Variants in SLCO3A1 observed in about 807,000 individuals in gnomAD.
The protein encoded by SLCO3A1 is PGE1 transporter.
In SLCO3A1, 27 loss-of-function variants were observed where a neutral mutation model predicts 63.1. That is an observed-to-expected ratio of 0.43 (90% CI 0.32 to 0.59). SLCO3A1 has a LOEUF of 0.59. Ranked by LOEUF, SLCO3A1 falls within the 20% of genes least tolerant of loss-of-function variation. The pLI, the probability that SLCO3A1 is intolerant of heterozygous loss-of-function variation, is 0.09. For synonymous variants in SLCO3A1, 473 were observed against 409.9 expected, an observed-to-expected ratio of 1.15 and a Z score of -1.86; for missense variants, 773 against 945.8, an observed-to-expected ratio of 0.82 and a Z score of 2.40.
chr15:92,001,548 T>G (rs1038553397), intron 2 of SLCO3A1, among the ~76,000 whole-genome samples: 2 of 152,180 alleles, frequency 1.3e-5, no homozygotes, highest in African/African-American at 4.8e-5. Flanking sequence ...AGCCAGAAAC[T>G]GATATGATAA....
chr15:92,035,776 G>A (rs1204732438), intron 2 of SLCO3A1, among the ~76,000 whole-genome samples: 2 of 151,780 alleles, frequency 1.3e-5, no homozygotes, highest in Admixed American at 1.3e-4. Flanking sequence ...CCCAGAAAAG[G>A]CATTGCTTCC....
Position 92,164,168 on chromosome 15 carries a change from T to G in SLCO3A1, c.*1033T>G. The G allele has an allele frequency of 1.0e-6, 1 of 985,346 alleles. No homozygotes were observed. Among genetic ancestry groups the G allele is most frequent in the Non-Finnish European group, 1.2e-6 (1 of 829,802 alleles). The allele number at this position is 985,346 out of a possible 1,614,324, so 61.0% of individuals were successfully genotyped here. Reference sequence around the variant, plus strand: ...ACAGTTCTCTAGGCCGGATTTATTATGCTGGTTGCTTTTACTTTTTTTCTC... The same window carrying G: ...ACAGTTCTCTAGGCCGGATTTATTAGGCTGGTTGCTTTTACTTTTTTTCTC... On this transcript the variant is annotated 3_prime_UTR_variant, in exon 10 of 10. Coordinates refer to ENST00000318445, the MANE Select transcript of SLCO3A1 (RefSeq NM_013272.4).
intron 1 of SLCO3A1, among the ~76,000 whole-genome samples, chr15:91,879,554 G>GT (rs1386777184): frequency 2.0e-5 from 3 of 152,148 alleles, no homozygotes; most frequent in African/African-American, 7.2e-5. Context: ...CATTTGTATG[G>GT]TTTTTAGGTT....
intron 2 of SLCO3A1, among the ~76,000 whole-genome samples, chr15:92,085,348 A>G (rs1402642691): frequency 6.6e-6 from 1 of 152,202 alleles, no homozygotes; most frequent in Non-Finnish European, 1.5e-5. Flanking sequence ...TTTGTTCTTC[A>G]ACCCTGTCTA....
intron 7 of SLCO3A1, among the ~76,000 whole-genome samples, chr15:92,142,208 G>A (rs2048143363): frequency 6.6e-6 from 1 of 152,186 alleles, no homozygotes; most frequent in African/African-American, 2.4e-5. Flanking sequence ...TTCTTCTTCT[G>A]TCATTAACCC....
intron 1 of SLCO3A1, among the ~76,000 whole-genome samples, chr15:91,858,902 G>A (rs1896987257): frequency 6.6e-6 from 1 of 152,178 alleles, no homozygotes; most frequent in Non-Finnish European, 1.5e-5. Flanking sequence ...AAATGATGAG[G>A]ATACAGCTGC....
chr15:91,968,384 C>T lies in SLCO3A1; in HGVS notation c.646+51926C>T, dbSNP rs1900735432. Among the ~76,000 whole-genome samples the T allele has an allele frequency of 6.6e-6, 1 of 152,038 alleles. No homozygotes were observed. Among genetic ancestry groups the T allele is most frequent in the African/African-American group, 2.4e-5 (1 of 41,394 alleles). On this transcript the variant is annotated intron_variant, in intron 2 of 9. Transcript: ENST00000318445. This position sits in a 1 kb window ranked among gnomAD's most constrained non-coding sequence, Gnocchi z 4.2. ...TAGATTCTGCTGAGTTCTGCTTGGA[C>T]TGGTAAGCACAGAGAGTGAGTCATA...
intron 9 of SLCO3A1, 78 bp downstream of exon 9, chr15:92,151,092 C>T (rs929236532): frequency 1.0e-5 from 10 of 980,210 alleles, no homozygotes; most frequent in Non-Finnish European, 1.4e-5. Context: ...TCAAATTATC[C>T]CATTTCCTAG....
chr15:92,008,887 C>T (rs940268750), intron 2 of SLCO3A1, among the ~76,000 whole-genome samples: 22 of 152,148 alleles, frequency 1.4e-4, no homozygotes, highest in Non-Finnish European at 1.6e-4. Context: ...GGCAGATCAA[C>T]GCCCTGTCTA....
At position 92,163,127 on chromosome 15, in the gene SLCO3A1, G is replaced by A. The variant is rs748218460; in HGVS notation, c.2125G>A (p.Val709Ile). The change falls in exon 10 of 10, where the codon GTT becomes ATT. Residue 709 changes from valine to isoleucine, a missense_variant. Coordinates refer to ENST00000318445, the MANE Select transcript of SLCO3A1 (RefSeq NM_013272.4). ...DHEWCENMES[V>I]L ...TGAGTGGTGTGAAAACATGGAGTCC[G>A]TTTTATAGTGACTAAAGGAGGGCTG... is the stretch of plus-strand genomic sequence containing the variant. 23 of 1,515,992 alleles carry A rather than the reference G, an allele frequency of 1.5e-5. No individual in the cohort carries two copies. The highest frequency in any genetic ancestry group is 2.3e-5 in the Admixed American group (1 of 44,290). 93.9% of individuals were successfully genotyped at this position (1,515,992 alleles called of 1,614,324 possible). A position where few individuals can be genotyped will look rare whatever the true frequency, so the allele number is the denominator to read the frequency against.
chr15:92,069,557 G>A (rs1271822535), intron 2 of SLCO3A1, among the ~76,000 whole-genome samples: 1 of 152,184 alleles, frequency 6.6e-6, no homozygotes, highest in Non-Finnish European at 1.5e-5. Flanking sequence ...AACCTGGCTT[G>A]TGTGATCCAG....
chr15:92,094,469 T>G (rs1596095282), intron 2 of SLCO3A1, among the ~76,000 whole-genome samples: 1 of 152,250 alleles, frequency 6.6e-6, no homozygotes, highest in African/African-American at 2.4e-5. Context: ...GTTTGCACAG[T>G]GGGTGTCAAG....
chr15:91,960,712 C>T (rs973071080), intron 2 of SLCO3A1, among the ~76,000 whole-genome samples: 3 of 152,192 alleles, frequency 2.0e-5, no homozygotes, highest in Non-Finnish European at 4.4e-5. Context: ...CCCTTCTTTG[C>T]TCATCCTACA....
chr15:91,953,429 G>T (rs545983010), intron 2 of SLCO3A1, among the ~76,000 whole-genome samples: 1 of 152,142 alleles, frequency 6.6e-6, no homozygotes. Flanking sequence ...GAATGCGGTG[G>T]GGGGAGGAAT....
At chr15:92,145,528 G>A (rs2048210572) in intron 7 of SLCO3A1, among the ~76,000 whole-genome samples, 1 of 152,168 alleles carries the variant, frequency 6.6e-6, no homozygotes, top group Non-Finnish European at 1.5e-5. Flanking sequence ...GCATGTAAAG[G>A]TCTCTGCTGT....
At chr15:91,930,064 T>C (rs896372478) in intron 2 of SLCO3A1, among the ~76,000 whole-genome samples, 2 of 152,164 alleles carry the variant, frequency 1.3e-5, no homozygotes, top group African/African-American at 2.4e-5. Flanking sequence ...TCCTAAGGTG[T>C]GTTAAACTCA....
chr15:91,932,482 A>G (rs565859994), intron 2 of SLCO3A1, among the ~76,000 whole-genome samples: 5 of 150,876 alleles, frequency 3.3e-5, no homozygotes, highest in South Asian at 2.1e-4. Flanking sequence ...GTCTTGCTCT[A>G]TTGCCCAGGC....
At chr15:91,879,288 C>T (rs370330009) in intron 1 of SLCO3A1, among the ~76,000 whole-genome samples, 1 of 140,932 alleles carries the variant, frequency 7.1e-6, no homozygotes, top group Admixed American at 7.4e-5. Flanking sequence ...TGGTATCTGT[C>T]ACTTATTTTT....
chr15:91,874,048 T>A (rs1362168913), intron 1 of SLCO3A1, among the ~76,000 whole-genome samples: 1 of 152,180 alleles, frequency 6.6e-6, no homozygotes, highest in African/African-American at 2.4e-5. Context: ...TATGGATGCC[T>A]GGAACCTTGG....
Sources: allele counts gnomAD v4.1 joint callset (sites outside exome capture counted in the v4.1 genomes callset), GRCh38; gene constraint gnomAD v4.1.1; non-coding constraint Gnocchi (gnomAD v3.1); transcripts MANE v1.5; gene names NCBI Gene and HGNC (gene_info 2026-07-23, HGNC 2026-07-21).